Variants in AP1S3 observed in about 807,000 individuals in gnomAD.
AP1S3 encodes adaptor related protein complex 1 subunit sigma 3.
In AP1S3, 10 loss-of-function variants were observed where a neutral mutation model predicts 20.9. That is an observed-to-expected ratio of 0.48 (90% CI 0.29 to 0.81). The LOEUF (loss-of-function observed/expected upper bound fraction) is 0.81, where lower values mean the gene tolerates loss of function less well. Among genes scored for constraint, AP1S3 ranks in the 30% least tolerant of loss-of-function variants. AP1S3 has a pLI of 0.08. For missense variants in AP1S3, 154 were observed against 183.8 expected (o/e 0.84, Z 0.94); for synonymous variants, 41 against 61.5 (o/e 0.67, Z 1.56).
chr2:223,831,896 G>A (rs1692266933), intron 1 of AP1S3, among the ~76,000 whole-genome samples: 1 of 152,032 alleles, frequency 6.6e-6, no homozygotes, highest in South Asian at 2.1e-4. Context: ...CTAACACGGT[G>A]AAACCCCATC....
chr2:223,827,588 G>A (rs1214688175), intron 1 of AP1S3, among the ~76,000 whole-genome samples: 1 of 151,828 alleles, frequency 6.6e-6, no homozygotes, highest in Non-Finnish European at 1.5e-5. Flanking sequence ...GCTTTACCAT[G>A]TTGGCCTGGC....
chr2:223,824,423 C>T (rs1574729441), intron 1 of AP1S3, among the ~76,000 whole-genome samples: 2 of 152,334 alleles, frequency 1.3e-5, no homozygotes, highest in South Asian at 4.1e-4. Flanking sequence ...CAGCATTACA[C>T]CTTGTGTGGA....
rs747129377 is a variant in AP1S3, at chr2:223,779,500, A to G, written c.4-1631T>C. ...CCTAATCTTTATTTTATGAGAATTA[A>G]GTTTTCTCAATCCACGGTATCAGAA... On this transcript the variant is annotated intron_variant, in intron 1 of 4. Transcript: ENST00000396654. Among the ~76,000 whole-genome samples the G allele has an allele frequency of 1.3e-3, 192 of 152,344 alleles. 1 individual carries two copies. Among genetic ancestry groups the G allele is most frequent in the Middle Eastern group, 3.4e-3 (1 of 294 alleles).
At chr2:223,827,606 G>A (rs7596193) in intron 1 of AP1S3, among the ~76,000 whole-genome samples, 24,454 of 151,170 alleles carry the variant, frequency 0.16, 2,532 homozygotes, top group East Asian at 0.41. Flanking sequence ...GGCTGGTCTC[G>A]AACTCCTGAT....
At chr2:223,767,856 C>G (rs1014735330) in intron 3 of AP1S3, among the ~76,000 whole-genome samples, 16 of 151,992 alleles carry the variant, frequency 1.1e-4, no homozygotes, top group African/African-American at 3.9e-4. Context: ...CCACTCATTC[C>G]TCTCCCTCCT....
At chr2:223,760,743 G>A (rs755461436) in intron 4 of AP1S3, among the ~76,000 whole-genome samples, 11 of 152,192 alleles carry the variant, frequency 7.2e-5, no homozygotes, top group Admixed American at 1.3e-4. Flanking sequence ...CACAGATTGT[G>A]AATTTTGAAG....
intron 1 of AP1S3, among the ~76,000 whole-genome samples, chr2:223,834,907 T>C (rs576416874): frequency 6.6e-6 from 1 of 152,322 alleles, no homozygotes; most frequent in African/African-American, 2.4e-5. Context: ...ATCTCCTTAA[T>C]GTCTGGGCTT....
intron 1 of AP1S3, among the ~76,000 whole-genome samples, chr2:223,814,130 A>C (rs1284154220): frequency 6.6e-6 from 1 of 152,202 alleles, no homozygotes; most frequent in African/African-American, 2.4e-5. Context: ...TCATTTTTTA[A>C]CATACCAGTG....
chr2:223,824,609 C>T (rs1307802134), intron 1 of AP1S3, among the ~76,000 whole-genome samples: 1 of 152,148 alleles, frequency 6.6e-6, no homozygotes, highest in Non-Finnish European at 1.5e-5. Flanking sequence ...GCTATCTCGG[C>T]TCATTGTAAC....
chr2:223,805,397 C>A (rs935841734), intron 1 of AP1S3, among the ~76,000 whole-genome samples: 1 of 152,056 alleles, frequency 6.6e-6, no homozygotes, highest in Non-Finnish European at 1.5e-5. Context: ...GAGCCAAGAT[C>A]GCACCATTAC....
chr2:223,766,922 G>A (rs1690498057), intron 3 of AP1S3, among the ~76,000 whole-genome samples: 1 of 152,084 alleles, frequency 6.6e-6, no homozygotes. Flanking sequence ...GATGAAGATG[G>A]AAACCATCAT....
chr2:223,825,998 A>G (rs564292692), intron 1 of AP1S3, among the ~76,000 whole-genome samples: 48 of 152,222 alleles, frequency 3.2e-4, no homozygotes, highest in Non-Finnish European at 5.3e-4. Flanking sequence ...CCTGGATGGC[A>G]GAGCAAGACT....
At position 223,756,211 on chromosome 2, in the gene AP1S3, C is replaced by G. The variant is rs1305811560; in HGVS notation, c.*2504G>C. 1.3e-5 allele frequency: 3 copies of G among 235,148 alleles called. No individual in the cohort carries two copies. Among genetic ancestry groups the G allele is most frequent in the African/African-American group, 7.0e-5 (3 of 42,800 alleles). 14.6% of individuals were successfully genotyped at this position (235,148 alleles called of 1,614,324 possible). On this transcript the variant is annotated 3_prime_UTR_variant, in exon 5 of 5. Transcript: ENST00000396654. ...AATTAGCCAGGCGTGGTGGCGCATG[C>G]CTATAATCCCAGCTACTCGGGAGGC...
intron 1 of AP1S3, among the ~76,000 whole-genome samples, chr2:223,798,617 G>T (rs1403497042): frequency 6.6e-6 from 1 of 152,136 alleles, no homozygotes; most frequent in Non-Finnish European, 1.5e-5. Context: ...CACCTGTATG[G>T]CACAGTAAAA....
chr2:223,824,442 T>C (rs1692069177), intron 1 of AP1S3, among the ~76,000 whole-genome samples: 1 of 152,168 alleles, frequency 6.6e-6, no homozygotes, highest in Admixed American at 6.5e-5. Context: ...GAAGGTAAGG[T>C]AAGGTCATCC....
intron 3 of AP1S3, chr2:223,770,304 G>A: frequency 1.9e-6 from 3 of 1,550,530 alleles, no homozygotes; most frequent in Non-Finnish European, 2.6e-6. Flanking sequence ...AGCCTCATTA[G>A]GAGAAACCAG....
In AP1S3 at chr2:223,756,113, C is replaced by A. The variant is rs192841088; in HGVS notation, c.*2602G>T. The A allele has an allele frequency of 9.9e-6, 9 of 904,932 alleles. No individual in the cohort carries two copies. In the African/African-American group the frequency reaches 1.4e-4, roughly 14 times the overall value. 56.1% of individuals were successfully genotyped at this position (904,932 alleles called of 1,614,324 possible). The stretch of plus-strand genomic sequence containing the variant: ...CAGCACTTTGGAAGGCCAAGGCGGG[C>A]GGATCACCTGAGGTCGGCGTTCAAG... On this transcript the variant is annotated 3_prime_UTR_variant, in exon 5 of 5. Coordinates refer to ENST00000396654, the MANE Select transcript of AP1S3 (RefSeq NM_001039569.2).
chr2:223,780,340 G>A (rs1472669825), intron 1 of AP1S3, among the ~76,000 whole-genome samples: 8 of 129,538 alleles, frequency 6.2e-5, no homozygotes, highest in African/African-American at 2.5e-4. Context: ...GAGAGAGAGA[G>A]AGAGAGAGAG....
intron 1 of AP1S3, among the ~76,000 whole-genome samples, chr2:223,834,732 G>A (rs763047030): frequency 1.3e-5 from 2 of 151,516 alleles, no homozygotes; most frequent in Non-Finnish European, 2.9e-5. Context: ...ACTCAGCTTG[G>A]GCGACACAGA....
Sources: gnomAD v4.1 joint callset for allele counts (sites outside exome capture counted in the v4.1 genomes callset) on GRCh38, gnomAD v4.1.1 for gene constraint, MANE v1.5 for transcripts, NCBI Gene and HGNC (gene_info 2026-07-23, HGNC 2026-07-21) for gene names.